NRL: variants seen among roughly 807,000 people sequenced by gnomAD.
NRL encodes the protein neural retina-specific leucine zipper protein.
NRL carries 16 observed loss-of-function variants against 12.5 expected under a neutral mutation model. That is an observed-to-expected ratio of 1.28 (90% CI 0.87 to 1.95). The LOEUF is 1.95. Among genes scored for constraint, NRL ranks in the 30% most tolerant of loss-of-function variants. The pLI, the probability that NRL is intolerant of heterozygous loss-of-function variation, is 0.00. For synonymous variants in NRL, 142 were observed against 150.9 expected (o/e 0.94, Z 0.43); for missense variants, 314 against 325.8 (o/e 0.96, Z 0.28).
At chr14:24,095,042 C>A in intron 1 of NRL, 1 of 449,438 alleles carries the variant, frequency 2.2e-6, no homozygotes, top group Non-Finnish European at 4.5e-6. Flanking sequence ...TCTTACATAG[C>A]TGGCTTCTTC....
chr14:24,082,268 A>C (rs1389349997), intron 2 of NRL, among the ~76,000 whole-genome samples, 200 bp downstream of exon 2: 1 of 151,880 alleles, frequency 6.6e-6, no homozygotes, highest in African/African-American at 2.4e-5. Context: ...CAGCCTACTC[A>C]TTTCTCTCCA....
In NRL at chr14:24,081,504, A is replaced by G. The variant is rs897062071; in HGVS notation, c.446T>C (p.Leu149Pro). ...CGCCTCGTCGCGCCCGCAGCCCCGC[A>G]GCTGCCGGTTTAGCTCCCGCACAGA... ...SMSVRELNRQ[L>P]RGCGRDEALR... is the part of the protein sequence containing the mutation. Residue 149 changes from leucine to proline, a missense_variant, in exon 3 of 3, where the codon CTG (leucine) becomes CCG (proline). Leu to Pro is a moderately conservative substitution (Grantham distance 98, BLOSUM62 -3). Transcript: ENST00000561028. This position sits in a 1 kb window ranked among gnomAD's most constrained non-coding sequence, Gnocchi z 4.4. 9 of 1,601,076 alleles carry G rather than the reference A, an allele frequency of 5.6e-6. No individual in the cohort carries two copies. The highest frequency in any genetic ancestry group is 1.7e-5 in the Admixed American group (1 of 58,604).
At position 24,079,882 on chromosome 14, in the gene NRL, G is replaced by A. The variant is rs1431319691; in HGVS notation, c.*1354C>T. On this transcript the variant is annotated 3_prime_UTR_variant, in exon 3 of 3. Coordinates refer to ENST00000561028, the MANE Select transcript of NRL (RefSeq NM_001354768.3). ...GTGAGACCTGGATAGCCACTGACAG[G>A]CCGAGCTGGGCCACTGAGGCTTCTG... Among the ~76,000 whole-genome samples, 1 of 152,150 alleles carries A rather than the reference G, an allele frequency of 6.6e-6. No homozygotes were observed. Among genetic ancestry groups the A allele is most frequent in the Non-Finnish European group, 1.5e-5 (1 of 68,020 alleles).
intron 1 of NRL, chr14:24,100,573 A>ATT: frequency 5.7e-6 from 6 of 1,057,046 alleles, no homozygotes; most frequent in Non-Finnish European, 7.0e-6. Flanking sequence ...TACAGGCTGG[A>ATT]TTTTTTTTTA....
intron 1 of NRL, among the ~76,000 whole-genome samples, chr14:24,090,603 C>T (rs947850196): frequency 1.3e-5 from 2 of 152,178 alleles, no homozygotes; most frequent in African/African-American, 4.8e-5. Flanking sequence ...GATCCTGAAG[C>T]GGGAATCTGG....
chr14:24,103,249 C>T (rs1351802978), intron 1 of NRL: 3 of 1,612,336 alleles, frequency 1.9e-6, no homozygotes, highest in South Asian at 2.2e-5. Flanking sequence ...TGCAGCAGAA[C>T]ACAAAGGTGA....
chr14:24,098,762 C>T (rs1471164765), intron 1 of NRL: 2 of 1,186,810 alleles, frequency 1.7e-6, no homozygotes, highest in Non-Finnish European at 2.4e-6. Flanking sequence ...TCCACAGACC[C>T]TAAGAACCTG....
rs201970559 is a variant in NRL, at chr14:24,082,474, G to A, written c.375C>T (p.His125=). The change falls in exon 2 of 3, where the codon CAC becomes CAT. Residue 125 remains histidine (H), a synonymous_variant. Transcript: ENST00000561028. ...PGSPEETGAQ[H]VQLAERFSDA... Reference sequence around the variant, plus strand: ...CAGCTTGCTGACCACTCACCTGGACGTGCTGGGCTCCTGTCTCCTCTGGGC... The same window carrying A: ...CAGCTTGCTGACCACTCACCTGGACATGCTGGGCTCCTGTCTCCTCTGGGC... The A allele has an allele frequency of 5.6e-6, 9 of 1,612,354 alleles. No homozygotes were observed. Among genetic ancestry groups the A allele is most frequent in the African/African-American group, 1.3e-5 (1 of 74,898 alleles).
In NRL at chr14:24,094,301, A is replaced by C; in HGVS notation, c.-27-11426T>G. ...CCCTCCTTTTTAAGCGCCTCCCGCCAGCCTCTGCTGTGGCTCGCTTCGCCG... is the reference window on the plus strand; with the variant it reads ...CCCTCCTTTTTAAGCGCCTCCCGCCCGCCTCTGCTGTGGCTCGCTTCGCCG... On this transcript the variant is annotated intron_variant, in intron 1 of 2. Coordinates refer to ENST00000561028, the MANE Select transcript of NRL (RefSeq NM_001354768.3). This position sits in a 1 kb window ranked among gnomAD's most constrained non-coding sequence, Gnocchi z 4.1. The C allele has an allele frequency of 3.5e-6, 4 of 1,138,296 alleles. No homozygotes were observed. The highest frequency in any genetic ancestry group is 2.2e-5 in the Admixed American group (1 of 45,160). 70.5% of individuals were successfully genotyped at this position (1,138,296 alleles called of 1,614,324 possible). A position where few individuals can be genotyped will look rare whatever the true frequency, so the allele number is the denominator to read the frequency against.
intron 1 of NRL, chr14:24,114,499 GGGACAGACAGTAAA>G (rs1228507385): frequency 5.2e-6 from 1 of 193,062 alleles, no homozygotes; most frequent in African/African-American, 2.4e-5. Flanking sequence ...ATGATCTTTA[GGGACAGACAGTAAA>G]TTATATCCCT....
chr14:24,092,860 T>C (rs865847406), intron 1 of NRL, among the ~76,000 whole-genome samples: 1 of 152,250 alleles, frequency 6.6e-6, no homozygotes, highest in Non-Finnish European at 1.5e-5. Context: ...TTGCTCGCCA[T>C]CTCCCTGCTC....
intron 1 of NRL, among the ~76,000 whole-genome samples, chr14:24,106,084 C>T (rs1311878333): frequency 6.6e-6 from 1 of 152,182 alleles, no homozygotes; most frequent in East Asian, 1.9e-4. Flanking sequence ...CTGCGAACTA[C>T]AGTTTAGAGT....
chr14:24,089,883 A>C (rs1237340962), intron 1 of NRL, among the ~76,000 whole-genome samples: 47 of 152,188 alleles, frequency 3.1e-4, no homozygotes, highest in Non-Finnish European at 4.4e-5. Context: ...GAGGCAGGAA[A>C]GATGTAGACA....
Position 24,080,309 on chromosome 14 carries a change from C to A in NRL, c.*927G>T, listed in dbSNP as rs1262873622. Reference sequence around the variant, plus strand: ...GGAGGCCCAGACAGCCTGGAGGGAGCTGCCGAGGACCCACGTATGTGCTCA... The same window carrying A: ...GGAGGCCCAGACAGCCTGGAGGGAGATGCCGAGGACCCACGTATGTGCTCA... On this transcript the variant is annotated 3_prime_UTR_variant, in exon 3 of 3. Coordinates refer to ENST00000561028, the MANE Select transcript of NRL (RefSeq NM_001354768.3). The A allele has an allele frequency of 6.6e-6, 1 of 152,224 alleles. No individual in the cohort carries two copies. Among genetic ancestry groups the A allele is most frequent in the Non-Finnish European group, 1.5e-5 (1 of 68,056 alleles). The allele number at this position is 152,224 out of a possible 1,614,324, so 9.4% of individuals were successfully genotyped here.
intron 1 of NRL, among the ~76,000 whole-genome samples, chr14:24,091,118 CCTGTGTGTGTGT>C (rs904717946): frequency 2.5e-5 from 3 of 119,768 alleles, no homozygotes; most frequent in African/African-American, 6.3e-5. Context: ...ACAGAAAAGG[CCTGTGTGTGTGT>C]GTGTGTGTGT....
At chr14:24,113,750 C>A (rs895687397) in intron 1 of NRL, among the ~76,000 whole-genome samples, 4 of 152,214 alleles carry the variant, frequency 2.6e-5, no homozygotes, top group Admixed American at 6.5e-5. Context: ...AGACGTCGCC[C>A]GAAAGCTGGC....
At chr14:24,113,301 C>T (rs959956238) in intron 1 of NRL, among the ~76,000 whole-genome samples, 1 of 122,956 alleles carries the variant, frequency 8.1e-6, no homozygotes, top group African/African-American at 3.2e-5. Context: ...AGTGGTGCAG[C>T]GCACCAGCAT....
chr14:24,100,346 C>G, intron 1 of NRL: 1 of 1,477,352 alleles, frequency 6.8e-7, no homozygotes, highest in South Asian at 1.4e-5. Context: ...TTTGCAGTTT[C>G]CAGTCCCAGG....
chr14:24,098,720 T>C, intron 1 of NRL: 2 of 1,548,996 alleles, frequency 1.3e-6, no homozygotes, highest in Non-Finnish European at 1.8e-6. Context: ...AGAGGCCTTC[T>C]TGTACTCAGA....
Sources: allele counts gnomAD v4.1 joint callset (sites outside exome capture counted in the v4.1 genomes callset), GRCh38; gene constraint gnomAD v4.1.1; non-coding constraint Gnocchi (gnomAD v3.1); transcripts MANE v1.5; gene names NCBI Gene and HGNC (gene_info 2026-07-23, HGNC 2026-07-21).